CRB1: variants seen among roughly 807,000 people sequenced by gnomAD.
The protein encoded by CRB1 is crumbs cell polarity complex component 1, also known as protein crumbs homolog 1.
A neutral mutation model predicts 120.0 loss-of-function variants in CRB1; 83 were observed. The observed-to-expected ratio is 0.69, with a 90% CI of 0.58 to 0.83. CRB1 has a LOEUF of 0.83. Among genes scored for constraint, CRB1 ranks in the 40% least tolerant of loss-of-function variants. The pLI, the probability that CRB1 is intolerant of heterozygous loss-of-function variation, is 0.00. For synonymous variants in CRB1, 625 were observed against 612.5 expected (o/e 1.02, Z -0.30); for missense variants, 1,699 against 1,687.6 (o/e 1.01, Z -0.12).
intron 11 of CRB1, among the ~76,000 whole-genome samples, chr1:197,456,837 A>T (rs1245183509): frequency 7.2e-5 from 11 of 152,174 alleles, no homozygotes; most frequent in Admixed American, 7.2e-4. Context: ...ACATGGACAC[A>T]GCCAAGGACA....
intron 2 of CRB1, among the ~76,000 whole-genome samples, chr1:197,337,357 C>T (rs575161747): frequency 1.2e-4 from 18 of 152,048 alleles, no homozygotes; most frequent in African/African-American, 3.1e-4. Context: ...ATATAAAGAA[C>T]GGATGTGGTG....
intron 5 of CRB1, among the ~76,000 whole-genome samples, chr1:197,364,902 C>T (rs1660978333): frequency 6.6e-6 from 1 of 151,934 alleles, no homozygotes; most frequent in African/African-American, 2.4e-5. Context: ...ATTTTATTTT[C>T]TCATTCAAGT....
chr1:197,238,750 A>C, the CRB1 span, among the ~76,000 whole-genome samples: 12 of 152,104 alleles, frequency 7.9e-5, no homozygotes, highest in Non-Finnish European at 1.2e-4. Context: ...AGGCTGAGGC[A>C]GGAGAATCAT....
At chr1:197,389,219 G>C (rs1379523868) in intron 5 of CRB1, among the ~76,000 whole-genome samples, 2 of 152,074 alleles carry the variant, frequency 1.3e-5, no homozygotes, top group Non-Finnish European at 2.9e-5. Flanking sequence ...ACACCTTAAA[G>C]AGGGGCAGCA....
At chr1:197,271,235 A>T (rs957086870) in intron 1 of CRB1, among the ~76,000 whole-genome samples, 1 of 152,150 alleles carries the variant, frequency 6.6e-6, no homozygotes, top group Non-Finnish European at 1.5e-5. Flanking sequence ...AATTTCAGTT[A>T]TTAATATCAT....
In CRB1 at chr1:197,416,101, A is replaced by G. The variant is rs116512306; in HGVS notation, c.1172-4899A>G. Among the ~76,000 whole-genome samples the G allele has an allele frequency of 1.8e-3, 278 of 152,302 alleles. 1 individual carries two copies. The highest frequency in any genetic ancestry group is 6.3e-3 in the African/African-American group (262 of 41,574). On this transcript the variant is annotated intron_variant, in intron 5 of 11. Transcript: ENST00000367400. ...ACTTAGAATCTATTGTGTACTGTCT[A>G]GTGAAATCTCTTCAGTATTGTCTTG... is the stretch of plus-strand genomic sequence containing the variant.
chr1:197,459,084 G>T (rs1161589449), intron 11 of CRB1, among the ~76,000 whole-genome samples: 1 of 152,006 alleles, frequency 6.6e-6, no homozygotes, highest in Non-Finnish European at 1.5e-5. Flanking sequence ...ATGGGATGAA[G>T]AACAGAGACT....
At chr1:197,287,394 G>A (rs1655887974) in intron 1 of CRB1, among the ~76,000 whole-genome samples, 1 of 151,836 alleles carries the variant, frequency 6.6e-6, no homozygotes, top group Non-Finnish European at 1.5e-5. Flanking sequence ...ATTACAAAAG[G>A]ACAATTTTAC....
At position 197,328,617 on chromosome 1, in the gene CRB1, C is replaced by T; in HGVS notation, c.266C>T (p.Pro89Leu). 1 of 1,614,220 alleles carries T rather than the reference C, an allele frequency of 6.2e-7. No homozygotes were observed. Among genetic ancestry groups the T allele is most frequent in the Non-Finnish European group, 8.5e-7 (1 of 1,180,040 alleles). The part of the protein sequence containing the change: ...CQGSATCVNT[P>L]GERSFLCKCP... ...GGAAGTGCCACTTGTGTGAACACCC[C>T]AGGAGAAAGGAGCTTTCTGTGCAAA... The change falls in exon 2 of 12, where the codon CCA becomes CTA. Residue 89 changes from proline (P) to leucine (L), a missense_variant. Pro to Leu is a moderately conservative substitution (Grantham distance 98). Transcript: ENST00000367400.
At chr1:197,219,735 T>C in the CRB1 span, among the ~76,000 whole-genome samples, 1 of 152,214 alleles carries the variant, frequency 6.6e-6, no homozygotes, top group Non-Finnish European at 1.5e-5. Context: ...TCAACAAAAC[T>C]TGTATGATCT....
the CRB1 span, among the ~76,000 whole-genome samples, chr1:197,237,676 T>A: frequency 1.3e-5 from 2 of 152,234 alleles, no homozygotes; most frequent in Non-Finnish European, 2.9e-5. Flanking sequence ...GTATTCCTTT[T>A]TATTGTCCAT....
chr1:197,313,514 A>G (rs946274625), intron 1 of CRB1, among the ~76,000 whole-genome samples: 1 of 152,202 alleles, frequency 6.6e-6, no homozygotes, highest in African/African-American at 2.4e-5. Flanking sequence ...GGTTAATTAT[A>G]ATATCCCTTA....
intron 11 of CRB1, among the ~76,000 whole-genome samples, chr1:197,462,236 G>A (rs538646070): frequency 5.9e-5 from 9 of 152,152 alleles, no homozygotes; most frequent in Admixed American, 5.9e-4. Context: ...ATGGATGACT[G>A]TATTACCATC....
At chr1:197,474,049 G>T (rs1667100009) in intron 11 of CRB1, among the ~76,000 whole-genome samples, 1 of 152,096 alleles carries the variant, frequency 6.6e-6, no homozygotes, top group African/African-American at 2.4e-5. Flanking sequence ...TGGCTCCCTT[G>T]GTCATACTGC....
the CRB1 span, among the ~76,000 whole-genome samples, chr1:197,252,572 A>G: frequency 5.0e-3 from 241 of 48,566 alleles, no homozygotes; most frequent in African/African-American, 0.01. Flanking sequence ...ATATATATAT[A>G]TATATATATA....
At chr1:197,471,784 T>C (rs1309794351) in intron 11 of CRB1, among the ~76,000 whole-genome samples, 4 of 152,234 alleles carry the variant, frequency 2.6e-5, no homozygotes, top group Non-Finnish European at 4.4e-5. Flanking sequence ...TCAATATTAC[T>C]ATGGAAACGG....
intron 4 of CRB1, among the ~76,000 whole-genome samples, chr1:197,355,937 C>G (rs1660456569): frequency 6.6e-6 from 1 of 152,214 alleles, no homozygotes; most frequent in Non-Finnish European, 1.5e-5. Context: ...GCGAGGGCTG[C>G]CAGCACACTG....
the CRB1 span, among the ~76,000 whole-genome samples, chr1:197,262,866 T>C: frequency 1.3e-5 from 2 of 152,348 alleles, no homozygotes; most frequent in South Asian, 2.1e-4. Flanking sequence ...GATTTTGTTG[T>C]GTTTATGGCT....
At chr1:197,365,960 G>C (rs1417457839) in intron 5 of CRB1, among the ~76,000 whole-genome samples, 1 of 152,094 alleles carries the variant, frequency 6.6e-6, no homozygotes, top group Non-Finnish European at 1.5e-5. Context: ...AACAGGGAGA[G>C]AGAAGTCTAT....
Sources: gnomAD v4.1 joint callset for allele counts (sites outside exome capture counted in the v4.1 genomes callset) on GRCh38, gnomAD v4.1.1 for gene constraint, MANE v1.5 for transcripts, NCBI Gene and HGNC (gene_info 2026-07-23, HGNC 2026-07-21) for gene names.